SMIM43: variants seen among roughly 807,000 people sequenced by gnomAD.
SMIM43 encodes Nodal Enhanced MEsendoderm Peptide.
intron 5 of SMIM43, among the ~76,000 whole-genome samples, chr4:121,760,863 T>A (rs900957832): frequency 1.9e-5 from 2 of 103,180 alleles, no homozygotes; most frequent in African/African-American, 8.3e-5. Flanking sequence ...GCAGAAATGT[T>A]TGGGCTTATT....
chr4:121,761,094 G>T (rs4240262), intron 5 of SMIM43, among the ~76,000 whole-genome samples: 52,812 of 150,796 alleles, frequency 0.35, 11,428 homozygotes, highest in Admixed American at 0.53. Context: ...AAAAGTGGAG[G>T]ACTGAGAAAT....
chr4:121,760,087 G>A lies in SMIM43; in HGVS notation c.*887C>T, dbSNP rs1725970239. 2 of 629,024 alleles carry A rather than the reference G, an allele frequency of 3.2e-6. No homozygotes were observed. The highest frequency in any genetic ancestry group is 4.9e-6 in the Non-Finnish European group (2 of 407,930). The allele number at this position is 629,024 out of a possible 1,614,324, so 39.0% of individuals were successfully genotyped here. The stretch of plus-strand genomic sequence containing the variant: ...TCACTCTGCTCACTCTGTCAGAGGG[G>A]AGCAGTGCTGCTTGGAGCTTTGACA... On this transcript the variant is annotated 3_prime_UTR_variant, in exon 6 of 6. Coordinates refer to ENST00000643802, the MANE Select transcript of SMIM43 (RefSeq NM_001384332.1).
chr4:121,764,711 C>T, intron 1 of SMIM43, 106 bp downstream of exon 1: 1 of 390,894 alleles, frequency 2.6e-6, no homozygotes, highest in South Asian at 1.4e-4. Context: ...CCCACCGTCC[C>T]TGGCACCCGA....
intron 5 of SMIM43, 80 bp downstream of exon 5, chr4:121,761,458 C>G: frequency 7.2e-7 from 1 of 1,396,894 alleles, no homozygotes; most frequent in South Asian, 1.5e-5. Flanking sequence ...AACTCTATTG[C>G]ACTGATTTTG....
chr4:121,760,726 G>C (rs989342086), intron 5 of SMIM43, among the ~76,000 whole-genome samples: 15 of 152,164 alleles, frequency 9.9e-5, no homozygotes. Flanking sequence ...CTTGCTTGAA[G>C]AATCTGTACC....
At position 121,759,764 on chromosome 4, in the gene SMIM43, T is replaced by C. The variant is rs1001920961; in HGVS notation, c.*1210A>G. The C allele has an allele frequency of 2.0e-5, 3 of 152,354 alleles. No homozygotes were observed. The highest frequency in any genetic ancestry group is 4.8e-5 in the African/African-American group (2 of 41,560). 9.4% of individuals were successfully genotyped at this position (152,354 alleles called of 1,614,324 possible). A position where few individuals can be genotyped will look rare whatever the true frequency, so the allele number is the denominator to read the frequency against. On this transcript the variant is annotated 3_prime_UTR_variant, in exon 6 of 6. Coordinates refer to ENST00000643802, the MANE Select transcript of SMIM43 (RefSeq NM_001384332.1). ...AGGAGTAAGGTAGCCTTTCTTTGCG[T>C]AGATTCCCCTCCTCCATGCATGAAA...
At chr4:121,762,563 G>T (rs1726127302) in intron 3 of SMIM43, 164 bp downstream of exon 3, 1 of 152,056 alleles carries the variant, frequency 6.6e-6, no homozygotes, top group Admixed American at 6.5e-5. Flanking sequence ...ATTCATTGTG[G>T]CCTGGATAAA....
rs191622715 is a variant in SMIM43 at position 121,760,618 on chromosome 4, G to A, written c.*500-144C>T. 5.2e-4 allele frequency: 689 copies of A among 1,314,828 alleles called. 2 individuals are homozygous for A. The South Asian group carries it at 9.4e-3, about 18-fold the overall frequency. The allele number at this position is 1,314,828 out of a possible 1,614,324, so 81.4% of individuals were successfully genotyped here. ...ACAAACCCTCTAATTTATTTAAGCC[G>A]CTCTTCAGTCCAGAACTTCCTATTC... On this transcript the variant is annotated intron_variant, in intron 5 of 5. Coordinates refer to ENST00000643802, the MANE Select transcript of SMIM43 (RefSeq NM_001384332.1).
Position 121,760,497 on chromosome 4 carries a change from C to T in SMIM43, c.*500-23G>A, listed in dbSNP as rs1438714504. The T allele has an allele frequency of 1.9e-5, 29 of 1,509,200 alleles. No individual in the cohort carries two copies. In the East Asian group the frequency reaches 6.4e-4, roughly 34 times the overall value. 93.5% of individuals were successfully genotyped at this position (1,509,200 alleles called of 1,614,324 possible). A position where few individuals can be genotyped will look rare whatever the true frequency, so the allele number is the denominator to read the frequency against. ...AACCTGGAGGAAAAAGCCAAGGGAA[C>T]CTCAGCAGCCACCTTAATTAAGCCT... On this transcript the variant is annotated intron_variant, in intron 5 of 5. Transcript: ENST00000643802.
intron 5 of SMIM43, among the ~76,000 whole-genome samples, chr4:121,760,972 C>T (rs541026534): frequency 5.9e-5 from 9 of 152,138 alleles, no homozygotes; most frequent in Non-Finnish European, 1.2e-4. Flanking sequence ...ATTACTGGGT[C>T]TGAACGCCCT....
intron 3 of SMIM43, among the ~76,000 whole-genome samples, 165 bp from the exon 4 acceptor site, chr4:121,762,057 T>A (rs1448620337): frequency 6.6e-6 from 1 of 152,198 alleles, no homozygotes; most frequent in Admixed American, 6.5e-5. Flanking sequence ...AACACAGGAA[T>A]CTTCTATAAT....
chr4:121,760,635 T>C (rs1389558030), intron 5 of SMIM43, among the ~76,000 whole-genome samples, 161 bp from the exon 6 acceptor site: 1 of 152,202 alleles, frequency 6.6e-6, no homozygotes, highest in Non-Finnish European at 1.5e-5. Context: ...AGTCCAGAAC[T>C]TCCTATTCCA....
intron 5 of SMIM43, 75 bp from the exon 6 acceptor site, chr4:121,760,549 C>T: frequency 6.9e-7 from 1 of 1,442,550 alleles, no homozygotes; most frequent in South Asian, 1.5e-5. Context: ...TGAACCAGCA[C>T]CAGCAGCTGC....
At position 121,760,329 on chromosome 4, in the gene SMIM43, C is replaced by T. The variant is rs778958205; in HGVS notation, c.*645G>A. On this transcript the variant is annotated 3_prime_UTR_variant, in exon 6 of 6. Transcript: ENST00000643802. ...TTGCAGATAGCAGTAGCCAATGACA[C>T]AGTTCTGGCCAATGAGATGAAGGCA... The T allele has an allele frequency of 9.3e-6, 15 of 1,612,774 alleles. No homozygotes were observed. The highest frequency in any genetic ancestry group is 1.6e-4 in the Middle Eastern group (1 of 6,072).
Position 121,759,479 on chromosome 4 carries a change from T to G in SMIM43, c.*1495A>C, listed in dbSNP as rs946074937. On this transcript the variant is annotated 3_prime_UTR_variant, in exon 6 of 6. Transcript: ENST00000643802. ...TATCTGAATTTAAATTAATTACAAT[T>G]AAACAAAATTTAAATTTTCCTTCCT... The G allele has an allele frequency of 6.6e-6, 1 of 152,336 alleles. No homozygotes were observed. The highest frequency in any genetic ancestry group is 2.1e-4 in the South Asian group (1 of 4,832). 9.4% of individuals were successfully genotyped at this position (152,336 alleles called of 1,614,324 possible). A position where few individuals can be genotyped will look rare whatever the true frequency, so the allele number is the denominator to read the frequency against.
At position 121,760,395 on chromosome 4, in the gene SMIM43, G is replaced by A; in HGVS notation, c.*579C>T. On this transcript the variant is annotated 3_prime_UTR_variant, in exon 6 of 6. Coordinates refer to ENST00000643802, the MANE Select transcript of SMIM43 (RefSeq NM_001384332.1). ...CTGAGGAAGCTCTTTAAAAGGAAGT[G>A]GATTTGAACTGGCATGCCCCGTTTT... 6.3e-7 allele frequency: 1 copy of A among 1,593,592 alleles called. No individual in the cohort carries two copies. The highest frequency in any genetic ancestry group is 1.1e-5 in the South Asian group (1 of 88,852).
rs1725970619 is a variant in SMIM43 at position 121,760,105 on chromosome 4, C to A, written c.*869G>T. 1.2e-6 allele frequency: 1 copy of A among 821,538 alleles called. No homozygotes were observed. The highest frequency in any genetic ancestry group is 1.8e-6 in the Non-Finnish European group (1 of 558,620). 50.9% of individuals were successfully genotyped at this position (821,538 alleles called of 1,614,324 possible). A position where few individuals can be genotyped will look rare whatever the true frequency, so the allele number is the denominator to read the frequency against. ...CAGAGGGGAGCAGTGCTGCTTGGAGCTTTGACAGTTGTGAAGGAACTAGAG... is the reference window on the plus strand; with the variant it reads ...CAGAGGGGAGCAGTGCTGCTTGGAGATTTGACAGTTGTGAAGGAACTAGAG... On this transcript the variant is annotated 3_prime_UTR_variant, in exon 6 of 6. Transcript: ENST00000643802.
chr4:121,764,924 T>A lies in SMIM43; in HGVS notation c.182A>T (p.Gln61Leu), dbSNP rs1726274382. ...GTGCCCGCACTCGGGTCACACCGCT[T>A]GCTCTCGGGAGAAGCCCCAAGGCTC... Reference protein sequence around the residue: ...HREPWGFSREQAV With the variant: ...HREPWGFSRELAV Residue 61 changes from glutamine (Q) to leucine (L), a missense_variant, in exon 1 of 6, where the codon CAA becomes CTA. Coordinates refer to ENST00000643802, the MANE Select transcript of SMIM43 (RefSeq NM_001384332.1). 1 of 398,296 alleles carries A rather than the reference T, an allele frequency of 2.5e-6. No homozygotes were observed. Among genetic ancestry groups the A allele is most frequent in the African/African-American group, 2.1e-5 (1 of 48,592 alleles). 24.7% of individuals were successfully genotyped at this position (398,296 alleles called of 1,614,324 possible).
rs766355374 is a variant in SMIM43, at chr4:121,761,555, C to A, written c.*482G>T. The A allele has an allele frequency of 3.7e-6, 6 of 1,606,806 alleles. No homozygotes were observed. The highest frequency in any genetic ancestry group is 1.7e-5 in the Admixed American group (1 of 58,692). The stretch of plus-strand genomic sequence containing the variant: ...TTACTCACCTAGTTCCAAGTTTCCA[C>A]CCCTGCAAGCGAACCAAAAACAAAT... On this transcript the variant is annotated 3_prime_UTR_variant, in exon 5 of 6. Transcript: ENST00000643802.
Sources: gnomAD v4.1 joint callset for allele counts (sites outside exome capture counted in the v4.1 genomes callset) on GRCh38, gnomAD v4.1.1 for gene constraint, MANE v1.5 for transcripts, NCBI Gene and HGNC (gene_info 2026-07-23, HGNC 2026-07-21) for gene names.